The following KCTD1 variants were observed in gnomAD, a reference collection of about 807,000 sequenced individuals.
KCTD1 encodes the protein potassium channel tetramerization domain containing 1, also known as BTB/POZ domain-containing protein KCTD1.
A neutral mutation model predicts 66.0 loss-of-function variants in KCTD1; 24 were observed. The observed-to-expected ratio is 0.36, with a 90% CI of 0.26 to 0.51. KCTD1 has a LOEUF of 0.51. Ranked by LOEUF, KCTD1 falls within the 20% of genes least tolerant of loss-of-function variation. KCTD1 has a pLI of 0.95. For missense variants in KCTD1, 943 were observed against 1,205.2 expected (o/e 0.78, Z 3.22); for synonymous variants, 511 against 517.2 (o/e 0.99, Z 0.16).
chr18:26,497,276 GC>G (rs930171704), intron 2 of KCTD1, among the ~76,000 whole-genome samples: 18 of 151,956 alleles, frequency 1.2e-4, no homozygotes, highest in Admixed American at 3.3e-4. Flanking sequence ...CTTAGAAAAA[GC>G]CCCCCTATCC....
intron 1 of KCTD1, among the ~76,000 whole-genome samples, chr18:26,508,492 T>C (rs2144705778): frequency 6.6e-6 from 1 of 152,366 alleles, no homozygotes; most frequent in Middle Eastern, 3.4e-3. Flanking sequence ...AGAATGTATG[T>C]CCCTGTCTTA....
At chr18:26,504,809 T>C (rs1380411464) in intron 1 of KCTD1, among the ~76,000 whole-genome samples, 4 of 152,214 alleles carry the variant, frequency 2.6e-5, no homozygotes, top group Non-Finnish European at 2.9e-5. Context: ...TCTAACACAA[T>C]TGTGGCAACC....
chr18:26,557,126 C>T (rs1464530985), intron 1 of KCTD1, among the ~76,000 whole-genome samples: 1 of 152,138 alleles, frequency 6.6e-6, no homozygotes, highest in Non-Finnish European at 1.5e-5. Flanking sequence ...TTCCTCCTGT[C>T]TTTCTCATGG....
rs575039929 is a variant in KCTD1 at position 26,578,153 on chromosome 18, TTCAAGCGATCTCCTGCC to T, written c.-16+50977_-16+50993del. On this transcript the variant is annotated intron_variant, in intron 1 of 4. Coordinates refer to the KCTD1 transcript ENST00000317932. ...CTCACTGCAACCTCAGCTTCCTGGG[TTCAAGCGATCTCCTGCC>T]TCAGCCTCTTGAGTAGCTGGGACCA... is the stretch of plus-strand genomic sequence containing the variant. Among the ~76,000 whole-genome samples, 685 of 149,416 alleles carry T rather than the reference TTCAAGCGATCTCCTGCC, an allele frequency of 4.6e-3. 4 individuals carry two copies. The highest frequency in any genetic ancestry group is 0.016 in the African/African-American group (640 of 40,578).
At chr18:26,632,006 C>T (rs1351545208), upstream of KCTD1, among the ~76,000 whole-genome samples, 2 of 152,032 alleles carry the variant, frequency 1.3e-5, no homozygotes, top group Non-Finnish European at 2.9e-5. Flanking sequence ...GCCGAGATCG[C>T]GCCACTGCAC....
intron 4 of KCTD1, chr18:26,458,365 T>C (rs1980216166): frequency 6.6e-6 from 1 of 152,220 alleles, no homozygotes; most frequent in African/African-American, 2.4e-5. Flanking sequence ...CTCTGTGCTT[T>C]GGGAAGGGTT....
At chr18:26,604,000 C>T (rs551013149) in intron 1 of KCTD1, among the ~76,000 whole-genome samples, 5 of 152,112 alleles carry the variant, frequency 3.3e-5, no homozygotes, top group South Asian at 2.1e-4. Context: ...AAAATATTTG[C>T]GAACTATGCA....
Position 26,460,368 on chromosome 18 carries a change from TATTGACCA to T in KCTD1, c.2134-451_2134-444del, listed in dbSNP as rs1322124264. Among the ~76,000 whole-genome samples the T allele has an allele frequency of 3.3e-5, 5 of 152,342 alleles. 1 individual carries two copies. Among genetic ancestry groups the T allele is most frequent in the African/African-American group, 9.6e-5 (4 of 41,566 alleles). On this transcript the variant is annotated intron_variant, in intron 3 of 4. Transcript: ENST00000580059. ...TCTATCCTCTTGGATGGAACGCATATATTGACCAAGGGGAGGCATAAGCTTGCCAATGG... is the reference window on the plus strand; with the variant it reads ...TCTATCCTCTTGGATGGAACGCATATAGGGGAGGCATAAGCTTGCCAATGG...
intron 2 of KCTD1, among the ~76,000 whole-genome samples, chr18:26,483,684 CAT>C (rs1215184345): frequency 1.3e-5 from 2 of 152,144 alleles, no homozygotes; most frequent in Admixed American, 1.3e-4. Flanking sequence ...TGAAACCTAA[CAT>C]AGACAAATCC....
chr18:26,557,897 G>A (rs1157809109), intron 1 of KCTD1, among the ~76,000 whole-genome samples: 1 of 152,124 alleles, frequency 6.6e-6, no homozygotes, highest in African/African-American at 2.4e-5. Context: ...TCCTCCCCTG[G>A]TCAAAACATC....
intron 1 of KCTD1, chr18:26,657,333 TAACA>T: frequency 1.0e-6 from 1 of 985,282 alleles, no homozygotes; most frequent in Non-Finnish European, 1.2e-6. Context: ...TAGCAAATAA[TAACA>T]AACCCAAACC....
chr18:26,609,302 G>A (rs542573), intron 1 of KCTD1, among the ~76,000 whole-genome samples: 10,610 of 152,152 alleles, frequency 0.07, 517 homozygotes, highest in Non-Finnish European at 0.11. Flanking sequence ...TCAAGTGCCT[G>A]GCATAAATGC....
chr18:26,571,710 C>T (rs1308828975), intron 1 of KCTD1, among the ~76,000 whole-genome samples: 2 of 151,638 alleles, frequency 1.3e-5, no homozygotes, highest in African/African-American at 2.4e-5. Context: ...TACATAGAGC[C>T]AACTGTATAT....
intron 4 of KCTD1, chr18:26,456,791 G>A (rs1235885185): frequency 6.6e-6 from 1 of 151,858 alleles, no homozygotes; most frequent in African/African-American, 2.4e-5. Context: ...AAAAATACAG[G>A]AAACTGATCT....
At chr18:26,461,981 G>A (rs1207356189) in intron 3 of KCTD1, among the ~76,000 whole-genome samples, 1 of 152,176 alleles carries the variant, frequency 6.6e-6, no homozygotes, top group Non-Finnish European at 1.5e-5. Context: ...AGCCGGGCAT[G>A]GTGGCGGACA....
chr18:26,518,086 C>A (rs1402647164), intron 1 of KCTD1, among the ~76,000 whole-genome samples: 1 of 152,198 alleles, frequency 6.6e-6, no homozygotes, highest in Non-Finnish European at 1.5e-5. Context: ...CCATCTCTAG[C>A]ACAGAGCAAG....
Position 26,547,388 on chromosome 18 carries a change from G to C in KCTD1, c.1149C>G (p.Thr383=). 1 of 1,551,368 alleles carries C rather than the reference G, an allele frequency of 6.4e-7. No individual in the cohort carries two copies. Among genetic ancestry groups the C allele is most frequent in the Non-Finnish European group, 8.7e-7 (1 of 1,146,750 alleles). The stretch of plus-strand genomic sequence containing the variant: ...CGAAGCTGGCGTAGGGGCAGAACTC[G>C]GTGCCCGTCTCATACATGCGGGGCA... ...ENLPRMYETG[T]EFCPYASFVK... is the part of the protein sequence containing the mutation. The change falls in exon 1 of 5, where the codon ACC becomes ACG. Residue 383 remains threonine (T), a synonymous_variant. Coordinates refer to ENST00000580059, the MANE Select transcript of KCTD1 (RefSeq NM_001142730.3).
chr18:26,561,329 T>C (rs944201405), intron 1 of KCTD1, among the ~76,000 whole-genome samples: 9 of 152,170 alleles, frequency 5.9e-5, no homozygotes, highest in Admixed American at 5.9e-4. Context: ...TTTGGTGTTG[T>C]TTGAATTTTG....
chr18:26,607,834 C>T (rs1987051180), intron 1 of KCTD1, among the ~76,000 whole-genome samples: 1 of 152,162 alleles, frequency 6.6e-6, no homozygotes, highest in Admixed American at 6.5e-5. Flanking sequence ...GTGGTGTGAT[C>T]TTGGTTCACT....
Sources: gnomAD v4.1 joint callset for allele counts (sites outside exome capture counted in the v4.1 genomes callset) on GRCh38, gnomAD v4.1.1 for gene constraint, MANE v1.5 for transcripts, NCBI Gene and HGNC (gene_info 2026-07-23, HGNC 2026-07-21) for gene names.